EPPK1: variants seen among roughly 807,000 people sequenced by gnomAD.
The protein encoded by EPPK1 is epiplakin 1.
For missense variants in EPPK1, 3,823 were observed against 3,673.3 expected (o/e 1.04, Z -1.05); for synonymous variants, 1,862 against 1,721.2 (o/e 1.08, Z -2.03).
Position 143,873,239 on chromosome 8 carries a change from G to A in EPPK1, c.15C>T (p.Thr5=), listed in dbSNP as rs781977283. The part of the protein sequence containing the change: MSGH[T]LPPLPVPGTN... ...TGCCTGGGACGGGAAGAGGAGGCAA[G>A]GTGTGGCCACTCATCACACACGGCT... Residue 5 remains threonine, a synonymous_variant, in exon 2 of 2, where the codon ACC becomes ACT. Coordinates refer to ENST00000615648, the MANE Select transcript of EPPK1 (RefSeq NM_031308.4). 2.3e-5 allele frequency: 36 copies of A among 1,566,396 alleles called. No individual in the cohort carries two copies. The highest frequency in any genetic ancestry group is 1.7e-4 in the Middle Eastern group (1 of 5,844).
In EPPK1 at chr8:143,857,785, C is replaced by CA; in HGVS notation, c.*201dup. 2.0e-6 allele frequency: 1 copy of CA among 493,426 alleles called. No homozygotes were observed. Among genetic ancestry groups the CA allele is most frequent in the South Asian group, 4.4e-5 (1 of 22,768 alleles). 30.6% of individuals were successfully genotyped at this position (493,426 alleles called of 1,614,324 possible). On this transcript the variant is annotated 3_prime_UTR_variant, in exon 2 of 2. Coordinates refer to ENST00000615648, the MANE Select transcript of EPPK1 (RefSeq NM_031308.4). ...CACATAGACGACCCAGAAAACACAC[C>CA]AAAAAACTTATGAAACACCTCGATG...
Position 143,872,418 on chromosome 8 carries a change from C to T in EPPK1, c.836G>A (p.Arg279His), listed in dbSNP as rs927778676. The T allele has an allele frequency of 2.9e-5, 46 of 1,601,262 alleles. No homozygotes were observed. The highest frequency in any genetic ancestry group is 4.0e-5 in the African/African-American group (3 of 74,914). Residue 279 changes from arginine (R) to histidine (H), a missense_variant, in exon 2 of 2, where the codon CGC becomes CAC. Physicochemically the swap from Arg to His is conservative, Grantham distance 29. Transcript: ENST00000615648. Reference sequence around the variant, plus strand: ...CACGCTGCCGGTACCCTCCAGGTAGCGCCGCACCTCGGCACGTGCACTCAC... The same window carrying T: ...CACGCTGCCGGTACCCTCCAGGTAGTGCCGCACCTCGGCACGTGCACTCAC... ...VDVSARAEVR[R>H]YLEGTGSVAG... is the part of the protein sequence containing the mutation.
rs145941219 is a variant in EPPK1, at chr8:143,868,124, G to A, written c.5130C>T (p.Phe1710=). Residue 1710 remains phenylalanine (F), a synonymous_variant, in exon 2 of 2, where the codon TTC becomes TTT. Coordinates refer to ENST00000615648, the MANE Select transcript of EPPK1 (RefSeq NM_031308.4). ...PVDVAYRCGY[F]DEEMNRILAD... ...CCAGGATGCGGTTCATCTCCTCGTC[G>A]AAGTAGCCGCAGCGGTAGGCCACGT... 181 of 1,613,280 alleles carry A rather than the reference G, an allele frequency of 1.1e-4. 4 individuals are homozygous for A. The highest frequency in any genetic ancestry group is 7.9e-4 in the South Asian group (72 of 91,082).
rs1554659250 is a variant in EPPK1 at position 143,866,943 on chromosome 8, T to C, written c.6311A>G (p.Glu2104Gly). The change falls in exon 2 of 2, where the codon GAG becomes GGG. Residue 2104 changes from glutamate to glycine, a missense_variant. Transcript: ENST00000615648. ...HIDDETRRAL[E>G]AEQVEITVGR... is the part of the protein sequence containing the mutation. ...CACTGTGATTTCCACTTGCTCTGCC[T>C]CCAGGGCCCTTCTCGTCTCGTCATC... 1 of 1,612,816 alleles carries C rather than the reference T, an allele frequency of 6.2e-7. No individual in the cohort carries two copies. The highest frequency in any genetic ancestry group is 8.5e-7 in the Non-Finnish European group (1 of 1,179,880).
chr8:143,870,235 C>T lies in EPPK1; in HGVS notation c.3019G>A (p.Ala1007Thr). 1.2e-6 allele frequency: 2 copies of T among 1,605,074 alleles called. No homozygotes were observed. The highest frequency in any genetic ancestry group is 1.7e-6 in the Non-Finnish European group (2 of 1,176,820). ...AAGGGGTCTCTGAAGCCAGCAATGGCACCCTCAGCCCGCTTCAGCCTGCCA... is the reference window on the plus strand; with the variant it reads ...AAGGGGTCTCTGAAGCCAGCAATGGTACCCTCAGCCCGCTTCAGCCTGCCA... ...LYGRLKRAEG[A>T]IAGFRDPFSG... Residue 1007 changes from alanine (A) to threonine (T), a missense_variant, in exon 2 of 2, where the codon GCC (alanine) becomes ACC (threonine). Transcript: ENST00000615648. The surrounding 1 kb of genome is among the most constrained non-coding windows in gnomAD (Gnocchi z 5.2).
At position 143,871,632 on chromosome 8, in the gene EPPK1, A is replaced by G. The variant is rs374046267; in HGVS notation, c.1622T>C (p.Leu541Pro). The G allele has an allele frequency of 6.2e-6, 10 of 1,604,582 alleles. No homozygotes were observed. The highest frequency in any genetic ancestry group is 1.3e-5 in the African/African-American group (1 of 74,776). ...GAGGGTGGCGCTCAGCTTAGCGGCCAGCTTCTCCACGGAGAGGGTCCCTTC... is the reference window on the plus strand; with the variant it reads ...GAGGGTGGCGCTCAGCTTAGCGGCCGGCTTCTCCACGGAGAGGGTCCCTTC... ...YQEGTLSVEK[L>P]AAKLSATLEQ... The change falls in exon 2 of 2, where the codon CTG becomes CCG. Residue 541 changes from leucine to proline, a missense_variant. Transcript: ENST00000615648.
rs1386803266 is a variant in EPPK1 at position 143,868,748 on chromosome 8, G to A, written c.4506C>T (p.Val1502=). 5 of 1,583,536 alleles carry A rather than the reference G, an allele frequency of 3.2e-6. No individual in the cohort carries two copies. The highest frequency in any genetic ancestry group is 1.7e-6 in the Non-Finnish European group (2 of 1,170,140). ...SGRAAALRQV[V]SAVTTLVEAA... ...CCTCGACCAGGGTGGTGACTGCGCT[G>A]ACCACCTGCCGCAGGGCCGCAGCCC... The change falls in exon 2 of 2, where the codon GTC becomes GTT. Residue 1502 remains valine (V), a synonymous_variant. Transcript: ENST00000615648.
chr8:143,876,951 C>T (rs1361191173), intron 1 of EPPK1, among the ~76,000 whole-genome samples: 7 of 152,198 alleles, frequency 4.6e-5, no homozygotes, highest in Non-Finnish European at 7.3e-5. Flanking sequence ...GCGCACAGGC[C>T]GCCAGCCCAG....
In EPPK1 at chr8:143,868,354, A is replaced by G. The variant is rs199851232; in HGVS notation, c.4900T>C (p.Phe1634Leu). The part of the protein sequence containing the change: ...TVEEAFKAGM[F>L]GKETYVKLLS... ...AGCTTCACGTAGGTTTCTTTCCCGAACATTCCTGCTTTGAACGCCTCCTCC... is the reference window on the plus strand; with the variant it reads ...AGCTTCACGTAGGTTTCTTTCCCGAGCATTCCTGCTTTGAACGCCTCCTCC... Residue 1634 changes from phenylalanine (F) to leucine (L), a missense_variant, in exon 2 of 2, where the codon TTC becomes CTC. Physicochemically the swap from Phe to Leu is conservative, Grantham distance 22. Transcript: ENST00000615648. 2.1e-5 allele frequency: 34 copies of G among 1,612,866 alleles called. 1 individual carries two copies. In the African/African-American group the frequency reaches 3.9e-4, roughly 18 times the overall value.
rs782203200 is a variant in EPPK1 at position 143,870,867 on chromosome 8, A to G, written c.2387T>C (p.Leu796Pro). ...VRDPETGLYL[L>P]PLSSTQSPLV... is the part of the protein sequence containing the mutation. ...CGGGGACTGCGTGCTGCTGAGTGGC[A>G]GGAGGTACAGGCCCGTCTCGGGGTC... The change falls in exon 2 of 2, where the codon CTG becomes CCG. Residue 796 changes from leucine to proline, a missense_variant. Transcript: ENST00000615648. This position sits in a 1 kb window ranked among gnomAD's most constrained non-coding sequence, Gnocchi z 5.2. 1.2e-6 allele frequency: 2 copies of G among 1,612,882 alleles called. No homozygotes were observed. Among genetic ancestry groups the G allele is most frequent in the Non-Finnish European group, 1.7e-6 (2 of 1,179,860 alleles).
At position 143,866,776 on chromosome 8, in the gene EPPK1, C is replaced by CT; in HGVS notation, c.6477dup (p.Glu2160ArgfsTer19). On this transcript the variant is annotated frameshift_variant, in exon 2 of 2. Coordinates refer to ENST00000615648, the MANE Select transcript of EPPK1 (RefSeq NM_031308.4). LOFTEE classifies it low-confidence loss of function (END_TRUNC). The stretch of plus-strand genomic sequence containing the variant: ...CTGGTTTCCTGCTTCTCGATCAACT[C>CT]TAAGATGAGCTGCGCTACCGTCTGC... 6.2e-7 allele frequency: 1 copy of CT among 1,613,506 alleles called. No individual in the cohort carries two copies. The highest frequency in any genetic ancestry group is 8.5e-7 in the Non-Finnish European group (1 of 1,179,880).
chr8:143,871,823 G>A lies in EPPK1; in HGVS notation c.1431C>T (p.Pro477=), dbSNP rs1362979267. The A allele has an allele frequency of 1.9e-6, 3 of 1,612,262 alleles. No homozygotes were observed. The African/African-American group carries it at 4.0e-5, about 22-fold the overall frequency. Reference sequence around the variant, plus strand: ...TGTACTTGATGAATGGGGGTCCCTGGGGCTCCCCTCCCCGGGGTCCCCCTG... The same window carrying A: ...TGTACTTGATGAATGGGGGTCCCTGAGGCTCCCCTCCCCGGGGTCCCCCTG... ...PLSGGPRGGE[P]QGPPFIKYST... Residue 477 remains proline (P), a synonymous_variant, in exon 2 of 2, where the codon CCC becomes CCT. Transcript: ENST00000615648.
intron 1 of EPPK1, among the ~76,000 whole-genome samples, chr8:143,874,459 G>A (rs1554662090): frequency 1.3e-5 from 2 of 152,186 alleles, no homozygotes; most frequent in African/African-American, 2.4e-5. Flanking sequence ...CTTATAAGAA[G>A]ACACACAGGG....
rs1264173795 is a variant in EPPK1, at chr8:143,868,778, A to G, written c.4476T>C (p.Ser1492=). ...CCTGCCGCAGGGCCGCAGCCCTCCC[A>G]GACCGACAGAGTGCCACCAGCTCCC... The part of the protein sequence containing the change: ...KRRELVALCR[S]GRAAALRQVV... The change falls in exon 2 of 2, where the codon TCT becomes TCC. Residue 1492 remains serine (S), a synonymous_variant. Transcript: ENST00000615648. The G allele has an allele frequency of 1.9e-6, 3 of 1,598,026 alleles. No homozygotes were observed. The highest frequency in any genetic ancestry group is 2.5e-6 in the Non-Finnish European group (3 of 1,177,246).
intron 1 of EPPK1, among the ~76,000 whole-genome samples, chr8:143,874,120 G>C (rs1563889993): frequency 6.6e-6 from 1 of 152,196 alleles, no homozygotes; most frequent in African/African-American, 2.4e-5. Context: ...AGGCAAGGCT[G>C]TCTCTCCCCC....
At position 143,867,474 on chromosome 8, in the gene EPPK1, G is replaced by A. The variant is rs377003169; in HGVS notation, c.5780C>T (p.Ala1927Val). The A allele has an allele frequency of 3.7e-5, 60 of 1,612,496 alleles. No individual in the cohort carries two copies. Among genetic ancestry groups the A allele is most frequent in the East Asian group, 6.7e-5 (3 of 44,894 alleles). Residue 1927 changes from alanine to valine, a missense_variant, in exon 2 of 2, where the codon GCG becomes GTG. Coordinates refer to ENST00000615648, the MANE Select transcript of EPPK1 (RefSeq NM_031308.4). ...SRKELIPAAF[A>V]TWLLEAQAAT... ...GGCCTGCGCCTCCAGCAGCCAAGTC[G>A]CAAATGCTGCAGGGATGAGCTCCTT... is the stretch of plus-strand genomic sequence containing the variant.
chr8:143,873,888 C>T (rs1819430692), intron 1 of EPPK1, among the ~76,000 whole-genome samples: 2 of 152,272 alleles, frequency 1.3e-5, no homozygotes, highest in South Asian at 2.1e-4. Context: ...GAGGTCCCGC[C>T]CTCCCTCCAC....
In EPPK1 at chr8:143,866,476, G is replaced by A; in HGVS notation, c.6778C>T (p.Leu2260=). 6.6e-7 allele frequency: 1 copy of A among 1,510,354 alleles called. No individual in the cohort carries two copies. Among genetic ancestry groups the A allele is most frequent in the Non-Finnish European group, 8.9e-7 (1 of 1,129,350 alleles). 93.6% of individuals were successfully genotyped at this position (1,510,354 alleles called of 1,614,324 possible). Residue 2260 remains leucine (L), a synonymous_variant, in exon 2 of 2, where the codon CTG becomes TTG. Transcript: ENST00000615648. ...GCCGCCTGCGCCTCCAGCAGCACCA[G>A]GGCCGTGCCGGGCCGCAGCACGCCC... ...WKGVLRPGTA[L]VLLEAQAATG...
rs782432341 is a variant in EPPK1 at position 143,868,491 on chromosome 8, G to A, written c.4763C>T (p.Pro1588Leu). 10 of 1,611,364 alleles carry A rather than the reference G, an allele frequency of 6.2e-6. No individual in the cohort carries two copies. In the South Asian group the frequency reaches 7.7e-5, roughly 12 times the overall value. The change falls in exon 2 of 2, where the codon CCA becomes CTA. Residue 1588 changes from proline to leucine, a missense_variant. Pro to Leu is a moderately conservative substitution (Grantham distance 98, BLOSUM62 -3). Transcript: ENST00000615648. ...CAGGATGTGCCTCCTCAGGGCCTCT[G>A]GGATGCTCATCCTCTCCTGGGTGCC... ...IQGTQERMSIPEALRRHILRP... is the reference protein window; with the variant it reads ...IQGTQERMSILEALRRHILRP...
Sources: gnomAD v4.1 joint callset for allele counts (sites outside exome capture counted in the v4.1 genomes callset) on GRCh38, gnomAD v4.1.1 for gene constraint, Gnocchi (gnomAD v3.1) non-coding constraint, MANE v1.5 for transcripts, NCBI Gene and HGNC (gene_info 2026-07-23, HGNC 2026-07-21) for gene names.